FAM107B: variants seen among roughly 807,000 people sequenced by gnomAD.
FAM107B encodes family with sequence similarity 107 member B.
In FAM107B, 21 loss-of-function variants were observed where a neutral mutation model predicts 31.5. That is an observed-to-expected ratio of 0.67 (90% CI 0.47 to 0.96). FAM107B has a LOEUF of 0.96. Among genes scored for constraint, FAM107B ranks in the 40% least tolerant of loss-of-function variants. FAM107B has a pLI of 0.00. For missense variants in FAM107B, 452 were observed against 377.1 expected, an observed-to-expected ratio of 1.20 and a Z score of -1.64; for synonymous variants, 157 against 141.5, an observed-to-expected ratio of 1.11 and a Z score of -0.78.
intron 2 of FAM107B, among the ~76,000 whole-genome samples, chr10:14,589,776 C>T (rs1313910785): frequency 6.6e-6 from 1 of 152,076 alleles, no homozygotes; most frequent in Non-Finnish European, 1.5e-5. Flanking sequence ...TGTAAGAATC[C>T]TGCATGTACT....
At chr10:14,761,842 G>A (rs1449888710) in intron 1 of FAM107B, among the ~76,000 whole-genome samples, 4 of 152,008 alleles carry the variant, frequency 2.6e-5, no homozygotes, top group Non-Finnish European at 4.4e-5. Flanking sequence ...CAAGTGATCC[G>A]CCCACCTCAG....
chr10:14,640,885 T>G (rs1219593843), intron 2 of FAM107B, among the ~76,000 whole-genome samples: 1 of 152,160 alleles, frequency 6.6e-6, no homozygotes, highest in Non-Finnish European at 1.5e-5. Context: ...ATTCTCACAT[T>G]TTCCCCTTTT....
intron 2 of FAM107B, among the ~76,000 whole-genome samples, chr10:14,541,813 T>C (rs1380482813): frequency 6.6e-6 from 1 of 152,176 alleles, no homozygotes; most frequent in African/African-American, 2.4e-5. Context: ...TCACAGTGAC[T>C]AGCAGACACA....
In FAM107B at chr10:14,565,838, C is replaced by T. The variant is rs962616169; in HGVS notation, c.470-35323G>A. On this transcript the variant is annotated intron_variant, in intron 2 of 4. Transcript: ENST00000181796. ...GAAACCCAGGGGAGAGTGTCTCAGG[C>T]GCTCAGAGGGCAGGGGGATGTTTCA... is the stretch of plus-strand genomic sequence containing the variant. Among the ~76,000 whole-genome samples, 5 of 152,080 alleles carry T rather than the reference C, an allele frequency of 3.3e-5. 1 individual carries two copies. Among genetic ancestry groups the T allele is most frequent in the Admixed American group, 2.0e-4 (3 of 15,268 alleles).
At chr10:14,760,319 T>C (rs1833018428) in intron 1 of FAM107B, among the ~76,000 whole-genome samples, 1 of 152,228 alleles carries the variant, frequency 6.6e-6, no homozygotes. Context: ...ATGTGCCAGT[T>C]TTCCGGTTTG....
At chr10:14,763,069 C>G (rs1035948665) in intron 1 of FAM107B, among the ~76,000 whole-genome samples, 1 of 152,140 alleles carries the variant, frequency 6.6e-6, no homozygotes. Context: ...TCAAGACCAG[C>G]CTGGCCAACA....
intron 1 of FAM107B, among the ~76,000 whole-genome samples, chr10:14,757,883 T>C (rs1832961091): frequency 6.6e-6 from 1 of 152,196 alleles, no homozygotes; most frequent in African/African-American, 2.4e-5. Context: ...CACAAAACCA[T>C]CTGGTTGGGT....
At chr10:14,537,676 A>G (rs1477516417) in intron 2 of FAM107B, among the ~76,000 whole-genome samples, 2 of 151,926 alleles carry the variant, frequency 1.3e-5, no homozygotes, top group Non-Finnish European at 2.9e-5. Flanking sequence ...TGTCTCTACT[A>G]AAAATACAAA....
At chr10:14,603,964 C>T (rs1852494271) in intron 2 of FAM107B, among the ~76,000 whole-genome samples, 2 of 148,732 alleles carry the variant, frequency 1.3e-5, no homozygotes, top group African/African-American at 2.4e-5. Context: ...AGCCGGGCGG[C>T]CGCTGGGCCC....
chr10:14,537,357 A>G (rs781758065), intron 2 of FAM107B, among the ~76,000 whole-genome samples: 3 of 152,208 alleles, frequency 2.0e-5, no homozygotes, highest in Non-Finnish European at 2.9e-5. Context: ...GGCAGGGGTC[A>G]TGACTTCCCA....
intron 4 of FAM107B, 24 bp downstream of exon 4, chr10:14,521,845 C>G: frequency 6.2e-7 from 1 of 1,602,072 alleles, no homozygotes; most frequent in Non-Finnish European, 8.5e-7. Flanking sequence ...CAAAAAAAGA[C>G]AGCTTCCAGC....
rs1411575342 is a variant in FAM107B, at chr10:14,762,790, ACACACACAC to A, written c.411+11454_411+11462del. 1.8e-3 allele frequency among the ~76,000 whole-genome samples: 277 copies of A among 151,048 alleles called. 1 individual carries two copies. The highest frequency in any genetic ancestry group is 6.5e-3 in the African/African-American group (265 of 40,678). Reference sequence around the variant, plus strand: ...CACACACACACACACACACACACACACACACACACACAAAAAGAACATGTCACATTCAAA... The same window carrying A: ...CACACACACACACACACACACACACAACAAAAAGAACATGTCACATTCAAA... On this transcript the variant is annotated intron_variant, in intron 1 of 4. Transcript: ENST00000181796.
At chr10:14,559,833 T>C (rs1484826115) in intron 2 of FAM107B, among the ~76,000 whole-genome samples, 1 of 151,454 alleles carries the variant, frequency 6.6e-6, no homozygotes, top group Non-Finnish European at 1.5e-5. Flanking sequence ...CCTCCCAAAG[T>C]GCTGGGATTA....
At chr10:14,553,934 G>C (rs924591032) in intron 2 of FAM107B, among the ~76,000 whole-genome samples, 40 of 152,130 alleles carry the variant, frequency 2.6e-4, no homozygotes, top group African/African-American at 9.2e-4. Flanking sequence ...CTTCAAACAG[G>C]CTGACTCGTT....
At position 14,649,490 on chromosome 10, in the gene FAM107B, C is replaced by A. The variant is rs540321872; in HGVS notation, c.469+18144G>T. On this transcript the variant is annotated intron_variant, in intron 2 of 4. Coordinates refer to ENST00000181796, the MANE Select transcript of FAM107B (RefSeq NM_031453.4). ...GAAGCCTGCTATCTGGAGGCTTCATCTACATAATAAGAACCTTAGTCTCCA... is the reference window on the plus strand; with the variant it reads ...GAAGCCTGCTATCTGGAGGCTTCATATACATAATAAGAACCTTAGTCTCCA... Among the ~76,000 whole-genome samples the A allele has an allele frequency of 1.3e-4, 20 of 152,270 alleles. No individual in the cohort carries two copies. The East Asian group carries it at 3.9e-3, about 29-fold the overall frequency.
chr10:14,741,872 A>AT (rs1178578146), intron 1 of FAM107B, among the ~76,000 whole-genome samples: 1 of 151,230 alleles, frequency 6.6e-6, no homozygotes, highest in African/African-American at 2.4e-5. Context: ...CACCAGGCTA[A>AT]TTTTTTTGTA....
chr10:14,607,988 CTAAG>C (rs1272209248), intron 2 of FAM107B, among the ~76,000 whole-genome samples: 1 of 152,022 alleles, frequency 6.6e-6, no homozygotes, highest in Non-Finnish European at 1.5e-5. Flanking sequence ...AAATTCATCC[CTAAG>C]GAAAATCGAA....
intron 1 of FAM107B, among the ~76,000 whole-genome samples, chr10:14,694,555 G>C (rs955846786): frequency 6.6e-6 from 1 of 152,088 alleles, no homozygotes; most frequent in African/African-American, 2.4e-5. Flanking sequence ...GGCTAATTTT[G>C]TATTTTTAGT....
chr10:14,623,493 T>A (rs1033133417), intron 2 of FAM107B, among the ~76,000 whole-genome samples: 14 of 152,188 alleles, frequency 9.2e-5, no homozygotes, highest in African/African-American at 3.1e-4. Context: ...GCACACATAT[T>A]CAGAGGAGGA....
Sources: gnomAD v4.1 joint callset for allele counts (sites outside exome capture counted in the v4.1 genomes callset) on GRCh38, gnomAD v4.1.1 for gene constraint, MANE v1.5 for transcripts, NCBI Gene and HGNC (gene_info 2026-07-23, HGNC 2026-07-21) for gene names.